SDK1: variants seen among roughly 807,000 people sequenced by gnomAD.
SDK1 encodes the protein sidekick cell adhesion molecule 1.
In SDK1, 157 loss-of-function variants were observed where a neutral mutation model predicts 245.5. That is an observed-to-expected ratio of 0.64 (90% CI 0.56 to 0.73). SDK1 has a LOEUF of 0.73. SDK1 is among the 30% of genes least tolerant of loss of function. The probability of loss-of-function intolerance (pLI) is 0.00; values close to 1 mark genes in which losing one functional copy is unlikely to be tolerated. For synonymous variants in SDK1, 1,647 were observed against 1,278.5 expected, an observed-to-expected ratio of 1.29 and a Z score of -6.15; for missense variants, 3,583 against 3,002.3, an observed-to-expected ratio of 1.19 and a Z score of -4.52.
chr7:3,823,621 T>C (rs1186978870), intron 5 of SDK1, among the ~76,000 whole-genome samples: 1 of 152,220 alleles, frequency 6.6e-6, no homozygotes, highest in Non-Finnish European at 1.5e-5. Context: ...CCGAAAAGTA[T>C]ATTGAAAGCT....
At chr7:3,807,263 C>T (rs1254634777) in intron 4 of SDK1, among the ~76,000 whole-genome samples, 3 of 152,100 alleles carry the variant, frequency 2.0e-5, no homozygotes, top group Non-Finnish European at 2.9e-5. Flanking sequence ...CCAGAACAGT[C>T]CCAAAGAAGG....
chr7:3,892,868 C>G (rs1396298473), intron 5 of SDK1, among the ~76,000 whole-genome samples: 1 of 152,176 alleles, frequency 6.6e-6, no homozygotes, highest in Non-Finnish European at 1.5e-5. Context: ...TCTCAAGTTC[C>G]TCTTCAATAT....
intron 35 of SDK1, among the ~76,000 whole-genome samples, chr7:4,187,033 G>A (rs900730462): frequency 3.3e-5 from 5 of 152,184 alleles, no homozygotes; most frequent in East Asian, 1.9e-4. Flanking sequence ...ACTGTGGTTC[G>A]GAGTGGGGCT....
At chr7:3,794,337 C>T (rs946024746) in intron 4 of SDK1, among the ~76,000 whole-genome samples, 3 of 151,738 alleles carry the variant, frequency 2.0e-5, no homozygotes, top group East Asian at 1.9e-4. Context: ...ATTTTTATAA[C>T]GATTTTAAAA....
intron 14 of SDK1, among the ~76,000 whole-genome samples, chr7:3,988,780 T>G (rs1466854444): frequency 6.6e-6 from 1 of 152,148 alleles, no homozygotes; most frequent in Non-Finnish European, 1.5e-5. Flanking sequence ...GTTTTTTGTT[T>G]GTTTATTTTG....
At chr7:3,647,885 A>T (rs1782899448) in intron 4 of SDK1, among the ~76,000 whole-genome samples, 1 of 152,222 alleles carries the variant, frequency 6.6e-6, no homozygotes, top group African/African-American at 2.4e-5. Flanking sequence ...GGGGAAAAAA[A>T]ATGAGAACAA....
At position 4,135,923 on chromosome 7, in the gene SDK1, A is replaced by G. The variant is rs539143925; in HGVS notation, c.4228+3500A>G. On this transcript the variant is annotated intron_variant, in intron 28 of 44. Transcript: ENST00000404826. ...CATGCAGCAGTGGTGTGCTGCCTTG[A>G]TTTGTCCTCCATAACTCTGGTTGCT... Among the ~76,000 whole-genome samples, 5 of 152,238 alleles carry G rather than the reference A, an allele frequency of 3.3e-5. No individual in the cohort carries two copies. In the South Asian group the frequency reaches 1.0e-3, roughly 32 times the overall value.
chr7:4,174,445 G>A (rs537366282), intron 33 of SDK1, 88 bp downstream of exon 33: 18 of 1,417,202 alleles, frequency 1.3e-5, no homozygotes, highest in Admixed American at 1.8e-5. Context: ...GGTGGGAAAC[G>A]CTGTGGAAGA....
chr7:3,872,734 T>C (rs759868014), intron 5 of SDK1, among the ~76,000 whole-genome samples: 2 of 152,120 alleles, frequency 1.3e-5, no homozygotes, highest in Non-Finnish European at 2.9e-5. Flanking sequence ...TTCACTGATT[T>C]AATGCCTTTT....
chr7:3,447,245 A>G (rs539224082), intron 1 of SDK1, among the ~76,000 whole-genome samples: 1 of 152,330 alleles, frequency 6.6e-6, no homozygotes, highest in Non-Finnish European at 1.5e-5. Flanking sequence ...TTACAAAAGT[A>G]AAATAACTTA....
chr7:3,717,287 A>G (rs548893656), intron 4 of SDK1, among the ~76,000 whole-genome samples: 2 of 152,202 alleles, frequency 1.3e-5, no homozygotes, highest in African/African-American at 4.8e-5. Flanking sequence ...ATTAACAGAG[A>G]GATAACAGGA....
At chr7:3,990,243 C>T (rs1583751180) in intron 14 of SDK1, among the ~76,000 whole-genome samples, 1 of 152,244 alleles carries the variant, frequency 6.6e-6, no homozygotes, top group Admixed American at 6.5e-5. Context: ...TCCTGGGCAC[C>T]ACCTCGGAGT....
intron 1 of SDK1, among the ~76,000 whole-genome samples, chr7:3,467,409 T>A (rs1387495804): frequency 6.6e-6 from 1 of 152,054 alleles, no homozygotes; most frequent in Admixed American, 6.5e-5. Flanking sequence ...TGTAGAAATA[T>A]AAAACCAAAA....
intron 5 of SDK1, among the ~76,000 whole-genome samples, chr7:3,880,569 T>TA (rs1781183883): frequency 7.7e-6 from 1 of 129,048 alleles, no homozygotes; most frequent in African/African-American, 3.4e-5. Context: ...TTTTTTTTTT[T>TA]AAGAACATGC....
chr7:3,775,770 G>C (rs1396780823), intron 4 of SDK1, among the ~76,000 whole-genome samples: 2 of 151,872 alleles, frequency 1.3e-5, no homozygotes, highest in Non-Finnish European at 2.9e-5. Context: ...TAGAGACGGG[G>C]TTTCACCTTG....
At chr7:3,338,262 T>C in intron 1 of SDK1, 1 of 419,352 alleles carries the variant, frequency 2.4e-6, no homozygotes. Context: ...AGGGAATGGG[T>C]ACTGTTCAGA....
At chr7:3,358,064 C>T (rs1020728050) in intron 1 of SDK1, among the ~76,000 whole-genome samples, 4 of 151,990 alleles carry the variant, frequency 2.6e-5, no homozygotes, top group Non-Finnish European at 5.9e-5. Context: ...CTCTGTGTCC[C>T]AGGCTGGAGT....
intron 4 of SDK1, among the ~76,000 whole-genome samples, chr7:3,797,524 A>T (rs943201790): frequency 1.8e-4 from 28 of 151,976 alleles, no homozygotes; most frequent in African/African-American, 6.8e-4. Flanking sequence ...TTAAAAAATT[A>T]GATCATATTT....
At chr7:3,648,023 T>G (rs904779049) in intron 4 of SDK1, among the ~76,000 whole-genome samples, 4 of 152,224 alleles carry the variant, frequency 2.6e-5, no homozygotes, top group Non-Finnish European at 5.9e-5. Context: ...ATCTGAGAAG[T>G]TGAAAACCCC....
Sources: gnomAD v4.1 joint callset for allele counts (sites outside exome capture counted in the v4.1 genomes callset) on GRCh38, gnomAD v4.1.1 for gene constraint, MANE v1.5 for transcripts, NCBI Gene and HGNC (gene_info 2026-07-23, HGNC 2026-07-21) for gene names.